The following MACROD2 variants were observed in gnomAD, a reference collection of about 807,000 sequenced individuals.
MACROD2 encodes the protein mono-ADP ribosylhydrolase 2.
Under a neutral mutation model 70.4 loss-of-function variants are expected in MACROD2, and 36 were observed. The observed-to-expected ratio is 0.51, with a 90% CI of 0.39 to 0.68. The LOEUF (loss-of-function observed/expected upper bound fraction) is 0.68, where lower values mean the gene tolerates loss of function less well. Ranked by LOEUF, MACROD2 falls within the 30% of genes least tolerant of loss-of-function variation. The pLI is 0.00. For synonymous variants in MACROD2, 172 were observed against 178.8 expected (o/e 0.96, Z 0.30); for missense variants, 496 against 538.4 (o/e 0.92, Z 0.78).
chr20:14,497,729 T>A (rs903484471), intron 4 of MACROD2, among the ~76,000 whole-genome samples: 9 of 151,758 alleles, frequency 5.9e-5, no homozygotes, highest in African/African-American at 2.2e-4. Flanking sequence ...CATAGCTTTA[T>A]GACTGCCATT....
intron 5 of MACROD2, among the ~76,000 whole-genome samples, chr20:15,068,262 T>C (rs1307217380): frequency 6.6e-6 from 1 of 152,202 alleles, no homozygotes; most frequent in East Asian, 1.9e-4. Flanking sequence ...ATAATTGTAA[T>C]GACTTCTAAA....
intron 6 of MACROD2, among the ~76,000 whole-genome samples, chr20:15,393,982 C>T (rs1362545323): frequency 6.6e-6 from 1 of 152,148 alleles, no homozygotes; most frequent in African/African-American, 2.4e-5. Flanking sequence ...TGATAAATAT[C>T]TTAATAGTGA....
intron 7 of MACROD2, among the ~76,000 whole-genome samples, chr20:15,434,250 G>C (rs113632553): frequency 6.6e-6 from 1 of 151,828 alleles, no homozygotes; most frequent in Non-Finnish European, 1.5e-5. Context: ...AATCCACAGA[G>C]TGGGAGAAAA....
rs547839124 is a variant in MACROD2 at position 15,239,332 on chromosome 20, T to G, written c.540+9271T>G. On this transcript the variant is annotated intron_variant, in intron 6 of 17. Coordinates refer to ENST00000684519, the MANE Select transcript of MACROD2 (RefSeq NM_001351661.2). The stretch of plus-strand genomic sequence containing the variant: ...CAAATCTGTCAGTGGAAAGAAAGCT[T>G]TCTTGACTTGTTTATGTACAATTCA... Among the ~76,000 whole-genome samples, 3 of 152,208 alleles carry G rather than the reference T, an allele frequency of 2.0e-5. No homozygotes were observed. The East Asian group carries it at 5.8e-4, about 29-fold the overall frequency.
At chr20:15,170,210 T>G (rs2076413480) in intron 5 of MACROD2, among the ~76,000 whole-genome samples, 1 of 152,180 alleles carries the variant, frequency 6.6e-6, no homozygotes, top group Admixed American at 6.5e-5. Flanking sequence ...AATTCTTTTT[T>G]CAGGATAATA....
chr20:15,543,079 C>G (rs2047979581), intron 8 of MACROD2, among the ~76,000 whole-genome samples: 1 of 152,172 alleles, frequency 6.6e-6, no homozygotes, highest in Non-Finnish European at 1.5e-5. Context: ...TGAGAACTGA[C>G]TACAATGTTT....
intron 3 of MACROD2, among the ~76,000 whole-genome samples, chr20:14,124,593 A>G (rs1012458121): frequency 2.6e-5 from 4 of 152,118 alleles, no homozygotes; most frequent in Non-Finnish European, 5.9e-5. Context: ...AACCATAATG[A>G]GATACCAGGA....
At chr20:14,073,781 TTAATAA>T (rs779474028) in intron 2 of MACROD2, among the ~76,000 whole-genome samples, 1 of 152,224 alleles carries the variant, frequency 6.6e-6, no homozygotes, top group Non-Finnish European at 1.5e-5. Flanking sequence ...CAGTGCAAAC[TTAATAA>T]TAAATATTAC....
At chr20:14,630,879 T>C (rs1282184215) in intron 4 of MACROD2, among the ~76,000 whole-genome samples, 1 of 145,428 alleles carries the variant, frequency 6.9e-6, no homozygotes, top group African/African-American at 2.7e-5. Context: ...TTCCCTGATG[T>C]ACAGATTCTT....
chr20:15,747,003 A>G (rs1019711272), intron 8 of MACROD2, among the ~76,000 whole-genome samples: 4 of 152,188 alleles, frequency 2.6e-5, no homozygotes, highest in African/African-American at 9.6e-5. Context: ...CATAGACATG[A>G]TGAATCTCCT....
At chr20:15,580,443 A>G (rs1359805427) in intron 8 of MACROD2, among the ~76,000 whole-genome samples, 1 of 152,126 alleles carries the variant, frequency 6.6e-6, no homozygotes, top group Non-Finnish European at 1.5e-5. Flanking sequence ...ATTTACTGCA[A>G]AAGTCCTCAG....
intron 6 of MACROD2, among the ~76,000 whole-genome samples, chr20:15,292,545 A>G (rs367827944): frequency 2.4e-4 from 36 of 152,226 alleles, no homozygotes; most frequent in African/African-American, 8.7e-4. Flanking sequence ...AACAAAGTAC[A>G]CTCCTGATTT....
At chr20:15,312,543 T>A (rs1231210609) in intron 6 of MACROD2, among the ~76,000 whole-genome samples, 1 of 152,204 alleles carries the variant, frequency 6.6e-6, no homozygotes, top group East Asian at 1.9e-4. Context: ...GTTGGAAGTG[T>A]CCTATAATAG....
intron 5 of MACROD2, among the ~76,000 whole-genome samples, chr20:15,145,359 T>C (rs184031686): frequency 6.6e-6 from 1 of 152,144 alleles, no homozygotes; most frequent in East Asian, 1.9e-4. Flanking sequence ...AAAAAATGAA[T>C]TACTCTATTT....
chr20:15,018,255 G>C (rs557076638), intron 5 of MACROD2, among the ~76,000 whole-genome samples: 70 of 152,172 alleles, frequency 4.6e-4, no homozygotes, highest in African/African-American at 1.6e-3. Context: ...AAACCTTTAG[G>C]GTAGGGGCAA....
At chr20:14,341,331 C>T (rs1055105298) in intron 3 of MACROD2, among the ~76,000 whole-genome samples, 2 of 152,158 alleles carry the variant, frequency 1.3e-5, no homozygotes, top group African/African-American at 2.4e-5. Flanking sequence ...ATAAAATCTT[C>T]AAAATTGTGT....
At chr20:15,579,404 T>A (rs541111481) in intron 8 of MACROD2, among the ~76,000 whole-genome samples, 3 of 152,336 alleles carry the variant, frequency 2.0e-5, no homozygotes, top group Admixed American at 2.0e-4. Flanking sequence ...ATCTGAAGTT[T>A]GAGAAAATAG....
intron 3 of MACROD2, among the ~76,000 whole-genome samples, chr20:14,363,209 A>G (rs1043087635): frequency 1.3e-5 from 2 of 152,046 alleles, no homozygotes; most frequent in African/African-American, 4.8e-5. Context: ...TTATCTGTAA[A>G]TATAATATAA....
At chr20:15,140,826 A>G (rs1020788199) in intron 5 of MACROD2, among the ~76,000 whole-genome samples, 2 of 152,182 alleles carry the variant, frequency 1.3e-5, no homozygotes, top group African/African-American at 4.8e-5. Context: ...AAACTAATTC[A>G]TGCTTCAACT....
Sources: allele counts gnomAD v4.1 joint callset (sites outside exome capture counted in the v4.1 genomes callset), GRCh38; gene constraint gnomAD v4.1.1; transcripts MANE v1.5; gene names NCBI Gene and HGNC (gene_info 2026-07-23, HGNC 2026-07-21).